Variants in USP34 observed in about 807,000 individuals in gnomAD.
USP34 encodes the protein ubiquitin specific peptidase 34.
In USP34, 70 loss-of-function variants were observed where a neutral mutation model predicts 460.3. The observed-to-expected ratio is 0.15, with a 90% CI of 0.13 to 0.19. USP34 has a LOEUF of 0.19. Ranked by LOEUF, USP34 falls within the 10% of genes least tolerant of loss-of-function variation. USP34 has a pLI of 1.00. For missense variants in USP34, 3,985 were observed against 4,236.2 expected, an observed-to-expected ratio of 0.94 and a Z score of 1.65; for synonymous variants, 1,647 against 1,405.3, an observed-to-expected ratio of 1.17 and a Z score of -3.85.
At chr2:61,382,844 T>C (rs540752388) in intron 6 of USP34, among the ~76,000 whole-genome samples, 2 of 152,324 alleles carry the variant, frequency 1.3e-5, no homozygotes, top group East Asian at 3.9e-4. Flanking sequence ...CCACCTTTGC[T>C]GCTATTTATC....
chr2:61,194,133 C>G (rs912710317), intron 75 of USP34: 15 of 985,290 alleles, frequency 1.5e-5, no homozygotes, highest in African/African-American at 5.2e-5. Flanking sequence ...ACATCCTACA[C>G]AGGCAAGTCA....
chr2:61,300,646 A>C (rs1194490172), intron 29 of USP34, among the ~76,000 whole-genome samples: 1 of 151,552 alleles, frequency 6.6e-6, no homozygotes, highest in East Asian at 2.0e-4. Flanking sequence ...AAATGCAAAA[A>C]TTAGCCAGGT....
intron 13 of USP34, 150 bp from the exon 14 acceptor site, chr2:61,349,036 CATG>C (rs1434983278): frequency 1.8e-6 from 2 of 1,121,736 alleles, no homozygotes; most frequent in Admixed American, 3.1e-5. Context: ...AACATTTGCT[CATG>C]ATTTCTAAAG....
At chr2:61,377,359 G>C (rs192925340) in intron 8 of USP34, among the ~76,000 whole-genome samples, 2 of 152,132 alleles carry the variant, frequency 1.3e-5, no homozygotes, top group East Asian at 1.9e-4. Flanking sequence ...CTATCCTACT[G>C]TTTGAGATTT....
At chr2:61,242,835 A>C (rs1302245900) in intron 51 of USP34, among the ~76,000 whole-genome samples, 2 of 152,132 alleles carry the variant, frequency 1.3e-5, no homozygotes, top group Non-Finnish European at 2.9e-5. Context: ...ACATTTTAAA[A>C]CACAAAGATT....
intron 1 of USP34, among the ~76,000 whole-genome samples, chr2:61,467,124 G>C (rs1360831914): frequency 6.6e-6 from 1 of 151,710 alleles, no homozygotes; most frequent in Non-Finnish European, 1.5e-5. Context: ...CCAATATGGT[G>C]AAACCCCGTT....
chr2:61,454,912 T>C (rs1390391674), intron 1 of USP34, among the ~76,000 whole-genome samples: 1 of 138,864 alleles, frequency 7.2e-6, no homozygotes, highest in East Asian at 2.3e-4. Context: ...TGAGTCTCAC[T>C]AGTCGCCCAG....
intron 1 of USP34, among the ~76,000 whole-genome samples, chr2:61,469,872 A>G (rs1695895825): frequency 3.3e-5 from 5 of 152,222 alleles, no homozygotes; most frequent in Admixed American, 2.6e-4. Flanking sequence ...ATAAAATAAA[A>G]AGGCCAGAAA....
chr2:61,449,288 A>G (rs897590029), intron 1 of USP34, among the ~76,000 whole-genome samples: 2 of 151,840 alleles, frequency 1.3e-5, no homozygotes, highest in Non-Finnish European at 2.9e-5. Context: ...ACTACAAAAT[A>G]TTGTTTAAAG....
intron 12 of USP34, 73 bp downstream of exon 12, chr2:61,350,187 A>G (rs1045935635): frequency 1.4e-5 from 20 of 1,456,286 alleles, no homozygotes; most frequent in Non-Finnish European, 1.8e-5. Context: ...AACTGAATGT[A>G]TTAGCAGAAA....
At chr2:61,452,829 C>T (rs1695324356) in intron 1 of USP34, among the ~76,000 whole-genome samples, 1 of 150,002 alleles carries the variant, frequency 6.7e-6, no homozygotes, top group African/African-American at 2.5e-5. Context: ...AGGCTGCAGT[C>T]AGTCTTGATC....
intron 69 of USP34, among the ~76,000 whole-genome samples, chr2:61,210,273 T>G (rs1273194791): frequency 6.6e-6 from 1 of 152,228 alleles, no homozygotes; most frequent in Non-Finnish European, 1.5e-5. Flanking sequence ...TCATGGTAAG[T>G]GCCCTACACA....
In USP34 at chr2:61,359,937, A is replaced by AC. The variant is rs573648483; in HGVS notation, c.1252-9245dup. Among the ~76,000 whole-genome samples, 8 of 151,496 alleles carry AC rather than the reference A, an allele frequency of 5.3e-5. No individual in the cohort carries two copies. The South Asian group carries it at 1.5e-3, about 28-fold the overall frequency. ...GTAGCTGGGACTACAGGCGCCCACC[A>AC]CCACACCAGGCTAATTTTTCTATTT... On this transcript the variant is annotated intron_variant, in intron 10 of 79. Transcript: ENST00000398571.
At chr2:61,294,202 C>A (rs966085587) in intron 32 of USP34, among the ~76,000 whole-genome samples, 1 of 151,662 alleles carries the variant, frequency 6.6e-6, no homozygotes, top group African/African-American at 2.4e-5. Flanking sequence ...AAAAATTAGC[C>A]GGGTGTGGTG....
intron 57 of USP34, among the ~76,000 whole-genome samples, chr2:61,235,135 GTTAA>G (rs572261228): frequency 6.6e-6 from 1 of 152,134 alleles, no homozygotes; most frequent in South Asian, 2.1e-4. Context: ...TGATAGATGT[GTTAA>G]TTAATTTGAA....
intron 20 of USP34, among the ~76,000 whole-genome samples, chr2:61,326,353 T>C (rs1243244053): frequency 6.6e-6 from 1 of 152,030 alleles, no homozygotes; most frequent in Non-Finnish European, 1.5e-5. Context: ...GATTACAAGC[T>C]AATCCCAGCT....
At position 61,273,657 on chromosome 2, in the gene USP34, A is replaced by ACAGTGAGC. The variant is rs377164960; in HGVS notation, c.5433+4500_5433+4507dup. 6.2e-3 allele frequency among the ~76,000 whole-genome samples: 949 copies of ACAGTGAGC among 152,232 alleles called. 9 individuals carry two copies. The highest frequency in any genetic ancestry group is 0.022 in the African/African-American group (894 of 41,556). On this transcript the variant is annotated intron_variant, in intron 41 of 79. Coordinates refer to ENST00000398571, the MANE Select transcript of USP34 (RefSeq NM_014709.4). ...CGCTTGAACCTGGAGGGCAGAGGTT[A>ACAGTGAGC]CAGTGAGCCACTGCACCACTGCACT...
At chr2:61,190,242 G>A in intron 78 of USP34, 29 bp downstream of exon 78, 1 of 1,578,354 alleles carries the variant, frequency 6.3e-7, no homozygotes, top group East Asian at 2.2e-5. Flanking sequence ...GTTTAAAAGT[G>A]TGTGCCGCCG....
chr2:61,259,664 G>A, intron 44 of USP34, 47 bp downstream of exon 44: 1 of 1,576,144 alleles, frequency 6.3e-7, no homozygotes, highest in Non-Finnish European at 8.7e-7. Flanking sequence ...ATAATTACAG[G>A]CATGAGCCAC....
Sources: gnomAD v4.1 joint callset for allele counts (sites outside exome capture counted in the v4.1 genomes callset) on GRCh38, gnomAD v4.1.1 for gene constraint, MANE v1.5 for transcripts, NCBI Gene and HGNC (gene_info 2026-07-23, HGNC 2026-07-21) for gene names.